PTPA: variants seen among roughly 807,000 people sequenced by gnomAD.
PTPA encodes serine/threonine-protein phosphatase 2A activator.
In PTPA, 13 loss-of-function variants were observed where a neutral mutation model predicts 43.6. The observed-to-expected ratio is 0.30, with a 90% CI of 0.19 to 0.47. PTPA has a LOEUF of 0.47. Ranked by LOEUF, PTPA falls within the 20% of genes least tolerant of loss-of-function variation. The pLI is 0.99. For missense variants in PTPA, 329 were observed against 411.9 expected, an observed-to-expected ratio of 0.80 and a Z score of 1.74; for synonymous variants, 172 against 158.2, an observed-to-expected ratio of 1.09 and a Z score of -0.66.
intron 2 of PTPA, among the ~76,000 whole-genome samples, chr9:129,122,456 A>G (rs1238963962): frequency 6.6e-6 from 1 of 152,206 alleles, no homozygotes; most frequent in Non-Finnish European, 1.5e-5. Context: ...GCAGGGAAGA[A>G]GAGTGTCTAG....
chr9:129,112,218 C>T (rs1206088944), intron 1 of PTPA, among the ~76,000 whole-genome samples: 4 of 152,194 alleles, frequency 2.6e-5, no homozygotes, highest in African/African-American at 9.7e-5. Context: ...GGAGGTTAGT[C>T]TCTCCGGCAT....
At chr9:129,120,472 A>G in intron 1 of PTPA, 41 bp from the exon 2 acceptor site, 2 of 1,357,410 alleles carry the variant, frequency 1.5e-6, no homozygotes, top group Non-Finnish European at 2.1e-6. Context: ...GTAGGGGAGG[A>G]TTCTATTTAT....
intron 9 of PTPA, among the ~76,000 whole-genome samples, chr9:129,144,342 G>C (rs1386826170): frequency 1.3e-5 from 2 of 152,080 alleles, no homozygotes; most frequent in East Asian, 3.9e-4. Flanking sequence ...GAGCTCTCTA[G>C]TAATCTGAAA....
At chr9:129,135,375 A>G (rs1850296795) in intron 6 of PTPA, among the ~76,000 whole-genome samples, 1 of 152,266 alleles carries the variant, frequency 6.6e-6, no homozygotes, top group Non-Finnish European at 1.5e-5. Context: ...CCTGGGTGAC[A>G]GAGTGAGACT....
intron 1 of PTPA, among the ~76,000 whole-genome samples, chr9:129,114,956 C>T (rs752272334): frequency 2.6e-5 from 4 of 152,186 alleles, no homozygotes; most frequent in Non-Finnish European, 5.9e-5. Context: ...GGCTCTCTTC[C>T]TGTGAAATAT....
intron 9 of PTPA, among the ~76,000 whole-genome samples, chr9:129,144,901 C>T (rs773060281): frequency 2.0e-5 from 3 of 152,082 alleles, no homozygotes; most frequent in Non-Finnish European, 4.4e-5. Context: ...GGTGTGGTGG[C>T]TCATGCCTGT....
intron 5 of PTPA, among the ~76,000 whole-genome samples, chr9:129,133,296 G>A (rs1383325208): frequency 6.6e-6 from 1 of 152,180 alleles, no homozygotes; most frequent in Admixed American, 6.5e-5. Context: ...CTCTTGGACC[G>A]GGTGGGGCTT....
intron 9 of PTPA, 57 bp from the exon 10 acceptor site, chr9:129,147,330 C>G: frequency 6.4e-7 from 1 of 1,562,182 alleles, no homozygotes; most frequent in Non-Finnish European, 8.8e-7. Flanking sequence ...TTGTTGGGGT[C>G]CTGGCAGGGG....
At chr9:129,122,342 A>G (rs561078791) in intron 2 of PTPA, among the ~76,000 whole-genome samples, 1 of 152,234 alleles carries the variant, frequency 6.6e-6, no homozygotes, top group South Asian at 2.1e-4. Context: ...GGTTCAAGTG[A>G]TCCTCCTGCA....
chr9:129,113,582 C>T (rs1320648450), intron 1 of PTPA, among the ~76,000 whole-genome samples: 6 of 151,648 alleles, frequency 4.0e-5, no homozygotes, highest in Admixed American at 6.6e-5. Context: ...CAGCCATGGC[C>T]AACATGGCAA....
At position 129,124,939 on chromosome 9, in the gene PTPA, C is replaced by G. The variant is rs554569533; in HGVS notation, c.216+1801C>G. Among the ~76,000 whole-genome samples, 10 of 152,368 alleles carry G rather than the reference C, an allele frequency of 6.6e-5. No individual in the cohort carries two copies. In the South Asian group the frequency reaches 8.3e-4, roughly 13 times the overall value. On this transcript the variant is annotated intron_variant, in intron 3 of 9. Transcript: ENST00000393370. Reference sequence around the variant, plus strand: ...GCTATTAGGTGACCTAGGTCCTGTTCTGTCCACTTCAGGAGAACCAGGCCT... The same window carrying G: ...GCTATTAGGTGACCTAGGTCCTGTTGTGTCCACTTCAGGAGAACCAGGCCT...
intron 9 of PTPA, chr9:129,143,212 TG>T: frequency 1.5e-6 from 1 of 649,450 alleles, no homozygotes; most frequent in Non-Finnish European, 2.8e-6. Flanking sequence ...CTCTTCCAAG[TG>T]GGGAGGAGAC....
intron 1 of PTPA, among the ~76,000 whole-genome samples, chr9:129,112,485 G>A (rs1388532453): frequency 6.6e-6 from 1 of 152,186 alleles, no homozygotes; most frequent in African/African-American, 2.4e-5. Context: ...TCCAATGTTG[G>A]GGTCCCTGGG....
chr9:129,112,837 A>G (rs889355278), intron 1 of PTPA, among the ~76,000 whole-genome samples: 2 of 151,986 alleles, frequency 1.3e-5, no homozygotes, highest in African/African-American at 4.8e-5. Flanking sequence ...ACTACTAGGG[A>G]GGATGAGGCA....
At chr9:129,128,904 C>G in intron 3 of PTPA, 81 bp from the exon 4 acceptor site, 1 of 1,560,430 alleles carries the variant, frequency 6.4e-7, no homozygotes, top group Non-Finnish European at 8.8e-7. Context: ...GGGTCATTGT[C>G]TGGCAGCAGT....
At chr9:129,115,085 C>G (rs547611740) in intron 1 of PTPA, among the ~76,000 whole-genome samples, 1 of 152,106 alleles carries the variant, frequency 6.6e-6, no homozygotes, top group South Asian at 2.1e-4. Context: ...GTGCAACCTC[C>G]GAGGAGAGCT....
Position 129,120,490 on chromosome 9 carries a change from T to C in PTPA, c.32-23T>C, listed in dbSNP as rs531497358. 7.6e-6 allele frequency: 12 copies of C among 1,576,954 alleles called. No individual in the cohort carries two copies. The African/African-American group carries it at 1.4e-4, about 18-fold the overall frequency. Reference sequence around the variant, plus strand: ...GGGGAGGATTCTATTTATCTGTTTGTTTTTTCATTTTTTTTTGTCAAGATT... The same window carrying C: ...GGGGAGGATTCTATTTATCTGTTTGCTTTTTCATTTTTTTTTGTCAAGATT... On this transcript the variant is annotated intron_variant, in intron 1 of 9. Coordinates refer to ENST00000393370, the MANE Select transcript of PTPA (RefSeq NM_178000.3).
At chr9:129,134,737 A>C in intron 5 of PTPA, 58 bp from the exon 6 acceptor site, 1 of 1,430,418 alleles carries the variant, frequency 7.0e-7, no homozygotes. Flanking sequence ...TGGGAGACTA[A>C]AACAATCCCA....
intron 8 of PTPA, chr9:129,139,624 G>A (rs1850622652): frequency 6.6e-6 from 1 of 152,212 alleles, no homozygotes; most frequent in African/African-American, 2.4e-5. Flanking sequence ...TCGGAGCAGT[G>A]AGCAGCATTT....
Sources: allele counts gnomAD v4.1 joint callset (sites outside exome capture counted in the v4.1 genomes callset), GRCh38; gene constraint gnomAD v4.1.1; transcripts MANE v1.5; gene names NCBI Gene and HGNC (gene_info 2026-07-23, HGNC 2026-07-21).